Variants in OSBPL6 observed in about 807,000 individuals in gnomAD.
OSBPL6 encodes oxysterol binding protein like 6, also known as oxysterol-binding protein-related protein 6.
Under a neutral mutation model 125.8 loss-of-function variants are expected in OSBPL6, and 49 were observed. That is an observed-to-expected ratio of 0.39 (90% CI 0.31 to 0.49). The LOEUF is 0.49. Ranked by LOEUF, OSBPL6 falls within the 20% of genes least tolerant of loss-of-function variation. The pLI, the probability that OSBPL6 is intolerant of heterozygous loss-of-function variation, is 0.88. For missense variants in OSBPL6, 986 were observed against 1,135.4 expected (o/e 0.87, Z 1.89); for synonymous variants, 394 against 391.8 (o/e 1.01, Z -0.07).
chr2:178,272,748 A>G (rs1351493647), intron 1 of OSBPL6, among the ~76,000 whole-genome samples: 1 of 152,236 alleles, frequency 6.6e-6, no homozygotes, highest in Non-Finnish European at 1.5e-5. Context: ...TTAAATGATC[A>G]GTCACTTGAG....
At position 178,333,093 on chromosome 2, in the gene OSBPL6, C is replaced by A; in HGVS notation, c.657+52C>A. 1.3e-6 allele frequency: 2 copies of A among 1,598,684 alleles called. 1 individual carries two copies. The highest frequency in any genetic ancestry group is 3.3e-4 in the Middle Eastern group (2 of 6,004). On this transcript the variant is annotated intron_variant, in intron 8 of 24. Coordinates refer to ENST00000190611, the MANE Select transcript of OSBPL6 (RefSeq NM_032523.4). ...CCTGAAAATTGCTTAGAAAATTATGCAAATTTTGGCCAGGCACTGTGGCTC... is the reference window on the plus strand; with the variant it reads ...CCTGAAAATTGCTTAGAAAATTATGAAAATTTTGGCCAGGCACTGTGGCTC...
At position 178,271,712 on chromosome 2, in the gene OSBPL6, A is replaced by G. The variant is rs544795765; in HGVS notation, c.-350-13215A>G. Reference sequence around the variant, plus strand: ...ATGTGACAAACATGTTTATACTTTAAAGAATATACATAATAGTTATTTTAA... The same window carrying G: ...ATGTGACAAACATGTTTATACTTTAGAGAATATACATAATAGTTATTTTAA... On this transcript the variant is annotated intron_variant, in intron 1 of 24. Coordinates refer to ENST00000190611, the MANE Select transcript of OSBPL6 (RefSeq NM_032523.4). Among the ~76,000 whole-genome samples the G allele has an allele frequency of 1.9e-4, 29 of 152,298 alleles. No individual in the cohort carries two copies. In the South Asian group the frequency reaches 3.7e-3, roughly 20 times the overall value.
In OSBPL6 at chr2:178,383,241, C is replaced by T. The variant is rs11890351; in HGVS notation, c.1839C>T (p.Asp613=). ...CEEMEYSELL[D]KASETDDPYE... ...AAATGGAATACAGCGAGCTCCTGGA[C>T]AAGGCTTCGGAAACTGATGATCCAT... Residue 613 remains aspartate (D), a synonymous_variant, in exon 17 of 25, where the codon GAC becomes GAT. Coordinates refer to ENST00000190611, the MANE Select transcript of OSBPL6 (RefSeq NM_032523.4). 9.1e-4 allele frequency: 1,475 copies of T among 1,614,174 alleles called. 11 individuals are homozygous for T. In the African/African-American group the frequency reaches 0.018, roughly 20 times the overall value.
At chr2:178,195,238 G>T (rs1344477009) in intron 1 of OSBPL6, among the ~76,000 whole-genome samples, 1 of 152,100 alleles carries the variant, frequency 6.6e-6, no homozygotes, top group Admixed American at 6.5e-5. Context: ...GACTGCCCTC[G>T]CGGGGCACCC....
chr2:178,208,677 CTCCCCTCCCT>C (rs1439011721), intron 1 of OSBPL6, among the ~76,000 whole-genome samples: 2 of 125,458 alleles, frequency 1.6e-5, no homozygotes, highest in African/African-American at 5.9e-5. Context: ...ATCCCCTCCT[CTCCCCTCCCT>C]TCCCCTCCAT....
intron 1 of OSBPL6, among the ~76,000 whole-genome samples, chr2:178,234,413 G>GAC (rs2090963546): frequency 6.6e-6 from 1 of 152,104 alleles, no homozygotes; most frequent in African/African-American, 2.4e-5. Flanking sequence ...GAGAGAGAGA[G>GAC]ACAGAGAGAG....
At chr2:178,286,905 T>C (rs1574753108) in intron 2 of OSBPL6, among the ~76,000 whole-genome samples, 1 of 152,218 alleles carries the variant, frequency 6.6e-6, no homozygotes, top group Non-Finnish European at 1.5e-5. Context: ...CAGTGAGTTG[T>C]AGTTACTCAC....
rs2092505215 is a variant in OSBPL6 at position 178,278,033 on chromosome 2, C to T, written c.-350-6894C>T. 2.0e-5 allele frequency among the ~76,000 whole-genome samples: 3 copies of T among 152,158 alleles called. No homozygotes were observed. In the South Asian group the frequency reaches 6.2e-4, roughly 32 times the overall value. ...CCCTGCTCTACTCTCCTCCTTTGTCCCCTAAGCTCTGAGCTCTGAACTACA... is the reference window on the plus strand; with the variant it reads ...CCCTGCTCTACTCTCCTCCTTTGTCTCCTAAGCTCTGAGCTCTGAACTACA... On this transcript the variant is annotated intron_variant, in intron 1 of 24. Coordinates refer to ENST00000190611, the MANE Select transcript of OSBPL6 (RefSeq NM_032523.4).
chr2:178,219,573 A>T (rs1030184488), intron 1 of OSBPL6, among the ~76,000 whole-genome samples: 3 of 152,158 alleles, frequency 2.0e-5, no homozygotes, highest in Admixed American at 2.0e-4. Context: ...TGGGGAGGGA[A>T]ACTGAAATAT....
Position 178,248,994 on chromosome 2 carries a change from T to C in OSBPL6, c.-350-35933T>C, listed in dbSNP as rs1435688638. Among the ~76,000 whole-genome samples, 5 of 152,200 alleles carry C rather than the reference T, an allele frequency of 3.3e-5. No homozygotes were observed. In the East Asian group the frequency reaches 9.6e-4, roughly 29 times the overall value. On this transcript the variant is annotated intron_variant, in intron 1 of 24. Coordinates refer to ENST00000190611, the MANE Select transcript of OSBPL6 (RefSeq NM_032523.4). ...CTCTGATGCCCAGGCTGGAGGGCAG[T>C]GGTGCCATCTCGGCTCACTGCAACC...
intron 18 of OSBPL6, among the ~76,000 whole-genome samples, chr2:178,384,878 A>T (rs199652221): frequency 0.012 from 1,478 of 121,578 alleles, 27 homozygotes; most frequent in East Asian, 0.055. Flanking sequence ...TAGCCTTTTT[A>T]AAAAAAAAAA....
At chr2:178,325,174 GC>G (rs1688586973) in intron 4 of OSBPL6, among the ~76,000 whole-genome samples, 1 of 152,186 alleles carries the variant, frequency 6.6e-6, no homozygotes, top group Admixed American at 6.5e-5. Context: ...TTTTCAATGG[GC>G]TTCCTCCTTT....
chr2:178,271,772 C>T (rs1305470414), intron 1 of OSBPL6, among the ~76,000 whole-genome samples: 1 of 152,184 alleles, frequency 6.6e-6, no homozygotes, highest in Non-Finnish European at 1.5e-5. Flanking sequence ...GAATCTCCTG[C>T]TCCCTGCCCA....
In OSBPL6 at chr2:178,255,525, A is replaced by C. The variant is rs891024956; in HGVS notation, c.-350-29402A>C. Among the ~76,000 whole-genome samples the C allele has an allele frequency of 1.8e-4, 27 of 152,206 alleles. 1 individual carries two copies. Among genetic ancestry groups the C allele is most frequent in the African/African-American group, 6.0e-4 (25 of 41,458 alleles). ...TTCAAGATGAGATTTGGGTGGGGAC[A>C]CAGCCAAACCATATCAGATAGTTCT... On this transcript the variant is annotated intron_variant, in intron 1 of 24. Coordinates refer to ENST00000190611, the MANE Select transcript of OSBPL6 (RefSeq NM_032523.4).
chr2:178,224,626 GA>G (rs1375036144), intron 1 of OSBPL6, among the ~76,000 whole-genome samples: 2 of 152,170 alleles, frequency 1.3e-5, no homozygotes, highest in African/African-American at 4.8e-5. Flanking sequence ...TTATAGATTA[GA>G]AACTAGTGTA....
At chr2:178,255,784 G>A (rs1330731797) in intron 1 of OSBPL6, among the ~76,000 whole-genome samples, 2 of 152,164 alleles carry the variant, frequency 1.3e-5, no homozygotes, top group Admixed American at 6.5e-5. Flanking sequence ...TCCAAATCCT[G>A]GAGAGCTTCC....
chr2:178,198,341 C>T (rs758677295), intron 1 of OSBPL6, among the ~76,000 whole-genome samples: 29 of 151,964 alleles, frequency 1.9e-4, no homozygotes, highest in South Asian at 6.2e-4. Flanking sequence ...CTCGCTCTGT[C>T]GCCCAGGCTG....
At position 178,271,224 on chromosome 2, in the gene OSBPL6, T is replaced by A. The variant is rs193022304; in HGVS notation, c.-350-13703T>A. On this transcript the variant is annotated intron_variant, in intron 1 of 24. Coordinates refer to ENST00000190611, the MANE Select transcript of OSBPL6 (RefSeq NM_032523.4). ...ATTTTAAAATTTATTTCAATTTTAC[T>A]GACAATACCATCTATTTAAATACAG... is the stretch of plus-strand genomic sequence containing the variant. 1.1e-4 allele frequency among the ~76,000 whole-genome samples: 16 copies of A among 152,364 alleles called. No individual in the cohort carries two copies. The East Asian group carries it at 3.1e-3, about 29-fold the overall frequency.
chr2:178,241,745 G>A lies in OSBPL6; in HGVS notation c.-350-43182G>A, dbSNP rs141042531. 8.9e-4 allele frequency among the ~76,000 whole-genome samples: 136 copies of A among 152,278 alleles called. 2 individuals are homozygous for A. The highest frequency in any genetic ancestry group is 3.2e-3 in the African/African-American group (133 of 41,568). ...GCTTTTTAAAAGACATCTTAAAGTT[G>A]TGCCAAGTTAAAATAATTGCCTTGG... On this transcript the variant is annotated intron_variant, in intron 1 of 24. Coordinates refer to ENST00000190611, the MANE Select transcript of OSBPL6 (RefSeq NM_032523.4).
Sources: gnomAD v4.1 joint callset for allele counts (sites outside exome capture counted in the v4.1 genomes callset) on GRCh38, gnomAD v4.1.1 for gene constraint, MANE v1.5 for transcripts, NCBI Gene and HGNC (gene_info 2026-07-23, HGNC 2026-07-21) for gene names.